Variants in RNF38 observed in about 807,000 individuals in gnomAD.
The protein encoded by RNF38 is ring finger protein 38.
A neutral mutation model predicts 67.2 loss-of-function variants in RNF38; 15 were observed. The observed-to-expected ratio is 0.22, with a 90% CI of 0.15 to 0.34. The LOEUF (loss-of-function observed/expected upper bound fraction) is 0.34, where lower values mean the gene tolerates loss of function less well. RNF38 is among the 10% of genes least tolerant of loss of function. The pLI, the probability that RNF38 is intolerant of heterozygous loss-of-function variation, is 1.00. For missense variants in RNF38, 524 were observed against 639.9 expected, an observed-to-expected ratio of 0.82 and a Z score of 1.95; for synonymous variants, 220 against 218.8, an observed-to-expected ratio of 1.01 and a Z score of -0.05.
chr9:36,435,621 A>G (rs1839043658), intron 1 of RNF38, among the ~76,000 whole-genome samples: 1 of 142,018 alleles, frequency 7.0e-6, no homozygotes, highest in African/African-American at 2.6e-5. Context: ...TAGTGAATGG[A>G]GGTTTTTTTT....
chr9:36,474,046 G>C (rs893234130), intron 1 of RNF38, among the ~76,000 whole-genome samples: 4 of 150,916 alleles, frequency 2.7e-5, no homozygotes, highest in Admixed American at 6.6e-5. Context: ...GGGCGCGGTG[G>C]CTCACACCTC....
intron 9 of RNF38, among the ~76,000 whole-genome samples, chr9:36,349,531 C>G (rs1833539798): frequency 6.6e-6 from 1 of 151,936 alleles, no homozygotes; most frequent in Non-Finnish European, 1.5e-5. Context: ...AAATATTAAC[C>G]CCTTATCAGA....
At chr9:36,446,810 G>GAAAA (rs60691553) in intron 1 of RNF38, among the ~76,000 whole-genome samples, 506 of 28,214 alleles carry the variant, frequency 0.018, 133 homozygotes, top group Non-Finnish European at 0.026. Flanking sequence ...TCCGCCTCAA[G>GAAAA]AAAAAAAAAA....
At chr9:36,358,872 G>C (rs566157905) in intron 4 of RNF38, among the ~76,000 whole-genome samples, 1 of 152,180 alleles carries the variant, frequency 6.6e-6, no homozygotes, top group Non-Finnish European at 1.5e-5. Context: ...TTAGCTGGGA[G>C]TGGTGGCGGG....
intron 1 of RNF38, among the ~76,000 whole-genome samples, chr9:36,444,812 T>G (rs1020316221): frequency 6.6e-6 from 1 of 151,866 alleles, no homozygotes; most frequent in African/African-American, 2.4e-5. Flanking sequence ...AAAAAAAGAT[T>G]TGAATAAATA....
chr9:36,442,205 T>C (rs1296066122), intron 1 of RNF38, among the ~76,000 whole-genome samples: 1 of 152,208 alleles, frequency 6.6e-6, no homozygotes, highest in Non-Finnish European at 1.5e-5. Context: ...GTAATCTGAC[T>C]GAATGTTCTC....
Position 36,340,092 on chromosome 9 carries a change from G to A in RNF38, c.1486-278C>T, listed in dbSNP as rs142861617. ...CCTCCTGGGTTCAAGCGATTCTCCC[G>A]TCTCAGCCTCCCGAGCAGCTGAGAT... On this transcript the variant is annotated intron_variant, in intron 11 of 11. Transcript: ENST00000259605. 1.5e-3 allele frequency among the ~76,000 whole-genome samples: 229 copies of A among 152,168 alleles called. 1 individual carries two copies. The highest frequency in any genetic ancestry group is 5.4e-3 in the African/African-American group (225 of 41,516).
chr9:36,344,583 G>A (rs753866307), intron 10 of RNF38, among the ~76,000 whole-genome samples: 65 of 152,150 alleles, frequency 4.3e-4, no homozygotes, highest in Non-Finnish European at 7.1e-4. Flanking sequence ...CAACACAGCA[G>A]CTATTAGCTA....
chr9:36,424,164 C>G (rs1015474016), intron 2 of RNF38, among the ~76,000 whole-genome samples: 2 of 151,980 alleles, frequency 1.3e-5, no homozygotes, highest in African/African-American at 4.8e-5. Context: ...CCTTTGTAAA[C>G]AGAGCCAAAA....
chr9:36,370,765 G>A (rs1465022682), intron 3 of RNF38, among the ~76,000 whole-genome samples: 6 of 152,006 alleles, frequency 3.9e-5, no homozygotes, highest in African/African-American at 1.2e-4. Flanking sequence ...AAAATTAGCC[G>A]GGCGTGGTGG....
upstream of RNF38, chr9:36,401,074 C>T (rs924491740): frequency 1.1e-5 from 11 of 984,884 alleles, no homozygotes; most frequent in South Asian, 4.7e-5. Flanking sequence ...GCCCGTCCCA[C>T]CCCGTCCCCT....
At chr9:36,477,297 T>C (rs1366695555) in intron 1 of RNF38, among the ~76,000 whole-genome samples, 1 of 149,212 alleles carries the variant, frequency 6.7e-6, no homozygotes, top group South Asian at 2.1e-4. Context: ...CACTCCAGCC[T>C]GGGTGACAGA....
At chr9:36,348,846 C>T (rs1046275347) in intron 9 of RNF38, among the ~76,000 whole-genome samples, 10 of 152,298 alleles carry the variant, frequency 6.6e-5, no homozygotes, top group Admixed American at 2.6e-4. Context: ...AGTGAATACA[C>T]TAAACAATGG....
intron 4 of RNF38, among the ~76,000 whole-genome samples, chr9:36,365,152 G>GT (rs144042313): frequency 0.016 from 2,464 of 152,082 alleles, 67 homozygotes; most frequent in African/African-American, 0.057. Flanking sequence ...ATCTTCTCAA[G>GT]TTACACCAAA....
At chr9:36,399,206 CCAA>C (rs1161078172) in intron 1 of RNF38, among the ~76,000 whole-genome samples, 2 of 152,062 alleles carry the variant, frequency 1.3e-5, no homozygotes, top group African/African-American at 4.8e-5. Context: ...CATATAAAGC[CCAA>C]CAAGTATGGA....
intron 9 of RNF38, among the ~76,000 whole-genome samples, chr9:36,345,862 C>T (rs976854500): frequency 5.9e-5 from 9 of 152,124 alleles, no homozygotes; most frequent in Non-Finnish European, 1.2e-4. Context: ...TTGAAATCTG[C>T]TAAATGAACC....
upstream of RNF38, chr9:36,400,919 G>A (rs1434825581): frequency 4.6e-6 from 3 of 648,366 alleles, no homozygotes; most frequent in East Asian, 1.9e-4. Flanking sequence ...GCCGCGCCCC[G>A]CCGCACCCCG....
chr9:36,481,613 T>C lies in RNF38; in HGVS notation n.241+5695A>G, dbSNP rs537231332. 3.5e-4 allele frequency among the ~76,000 whole-genome samples: 53 copies of C among 152,310 alleles called. 3 individuals are homozygous for C. In the South Asian group the frequency reaches 0.011, roughly 32 times the overall value. ...GACAGCAGCATAAGCAAATTGAAACTTCCTATCCCACCACCCTCAATCATG... is the reference window on the plus strand; with the variant it reads ...GACAGCAGCATAAGCAAATTGAAACCTCCTATCCCACCACCCTCAATCATG... On this transcript the variant is annotated intron_variant and non_coding_transcript_variant, in intron 1 of 3. Coordinates refer to the RNF38 transcript ENST00000488058.
At chr9:36,408,768 T>C (rs1838245359) in intron 2 of RNF38, among the ~76,000 whole-genome samples, 1 of 152,126 alleles carries the variant, frequency 6.6e-6, no homozygotes, top group South Asian at 2.1e-4. Flanking sequence ...TTCAACTGAA[T>C]TTAAGAAAAG....
Sources: gnomAD v4.1 joint callset for allele counts (sites outside exome capture counted in the v4.1 genomes callset) on GRCh38, gnomAD v4.1.1 for gene constraint, MANE v1.5 for transcripts, NCBI Gene and HGNC (gene_info 2026-07-23, HGNC 2026-07-21) for gene names.